Variants in RAB8A observed in about 807,000 individuals in gnomAD.
RAB8A encodes the protein ras-related protein Rab-8A.
In RAB8A, 5 loss-of-function variants were observed where a neutral mutation model predicts 29.2. That is an observed-to-expected ratio of 0.17 (90% CI 0.09 to 0.36). The LOEUF (loss-of-function observed/expected upper bound fraction) is 0.36, where lower values mean the gene tolerates loss of function less well. Ranked by LOEUF, RAB8A falls within the 10% of genes least tolerant of loss-of-function variation. The pLI, the probability that RAB8A is intolerant of heterozygous loss-of-function variation, is 1.00. For synonymous variants in RAB8A, 108 were observed against 99.9 expected (o/e 1.08, Z -0.49); for missense variants, 171 against 272.2 (o/e 0.63, Z 2.62).
At chr19:16,121,448 G>A (rs1346703876) in intron 2 of RAB8A, among the ~76,000 whole-genome samples, 1 of 152,140 alleles carries the variant, frequency 6.6e-6, no homozygotes, top group Non-Finnish European at 1.5e-5. Flanking sequence ...TGAGCCACAT[G>A]ACTGGCTCTT....
Position 16,132,091 on chromosome 19 carries a change from T to C in RAB8A, c.532-121T>C. 1 of 776,372 alleles carries C rather than the reference T, an allele frequency of 1.3e-6. No homozygotes were observed. Among genetic ancestry groups the C allele is most frequent in the Non-Finnish European group, 2.2e-6 (1 of 462,700 alleles). The allele number at this position is 776,372 out of a possible 1,614,324, so 48.1% of individuals were successfully genotyped here. On this transcript the variant is annotated intron_variant, in intron 7 of 7. Transcript: ENST00000300935. The surrounding 1 kb of genome is among the most constrained non-coding windows in gnomAD (Gnocchi z 5.6). ...TGGTTTGGTTGTTTGGTTGGTTGGT[T>C]GGTTGGTTGGTTGGATGGTTGGATG...
In RAB8A at chr19:16,127,171, C is replaced by T. The variant is rs903106344; in HGVS notation, c.325-266C>T. Among the ~76,000 whole-genome samples the T allele has an allele frequency of 2.6e-5, 4 of 152,182 alleles. No homozygotes were observed. The highest frequency in any genetic ancestry group is 5.9e-5 in the Non-Finnish European group (4 of 68,042). ...CCCAGGTGCGGGGGCTTGATTGATA[C>T]AGCCATAGAAGCTGCCAGAAAGCAT... On this transcript the variant is annotated intron_variant, in intron 4 of 7. Coordinates refer to ENST00000300935, the MANE Select transcript of RAB8A (RefSeq NM_005370.5). This position sits in a 1 kb window ranked among gnomAD's most constrained non-coding sequence, Gnocchi z 4.8.
rs970479159 is a variant in RAB8A, at chr19:16,122,468, A to C, written c.246+658A>C. ...GACCCTGGCTTGCCCACTGAGCTCCATCTCCTGACTTGGAAAAGGGAACGG... is the reference window on the plus strand; with the variant it reads ...GACCCTGGCTTGCCCACTGAGCTCCCTCTCCTGACTTGGAAAAGGGAACGG... On this transcript the variant is annotated intron_variant, in intron 3 of 7. Coordinates refer to ENST00000300935, the MANE Select transcript of RAB8A (RefSeq NM_005370.5). The surrounding 1 kb of genome is among the most constrained non-coding windows in gnomAD (Gnocchi z 4.7). Among the ~76,000 whole-genome samples the C allele has an allele frequency of 6.6e-6, 1 of 152,192 alleles. No homozygotes were observed. The highest frequency in any genetic ancestry group is 2.4e-5 in the African/African-American group (1 of 41,454).
chr19:16,112,287 G>T (rs562009866), intron 1 of RAB8A: 22 of 489,664 alleles, frequency 4.5e-5, no homozygotes, highest in African/African-American at 4.1e-4. Context: ...TTATGTCTTG[G>T]GCTGGGGTCT....
intron 1 of RAB8A, among the ~76,000 whole-genome samples, chr19:16,117,159 T>C (rs1259331324): frequency 6.6e-6 from 1 of 152,172 alleles, no homozygotes; most frequent in African/African-American, 2.4e-5. Flanking sequence ...CCACATTTTG[T>C]TCATCCATTC....
At position 16,127,630 on chromosome 19, in the gene RAB8A, G is replaced by T; in HGVS notation, c.414+104G>T. The T allele has an allele frequency of 1.1e-6, 1 of 918,252 alleles. No individual in the cohort carries two copies. 56.9% of individuals were successfully genotyped at this position (918,252 alleles called of 1,614,324 possible). On this transcript the variant is annotated intron_variant, in intron 5 of 7. Transcript: ENST00000300935. The surrounding 1 kb of genome is among the most constrained non-coding windows in gnomAD (Gnocchi z 4.8). The stretch of plus-strand genomic sequence containing the variant: ...TGCCCCAGGGGCCTGAGACGAGTTG[G>T]TCACCCCAGTGGGGCACGTGCCATG...
At chr19:16,119,540 G>A (rs2090863985) in intron 2 of RAB8A, among the ~76,000 whole-genome samples, 1 of 152,010 alleles carries the variant, frequency 6.6e-6, no homozygotes, top group Non-Finnish European at 1.5e-5. Context: ...TTGGGAGTCG[G>A]GTAGGTTTAA....
chr19:16,124,989 CG>C, intron 3 of RAB8A: 12 of 204,482 alleles, frequency 5.9e-5, no homozygotes, highest in East Asian at 1.1e-4. Context: ...GTGTGGATGT[CG>C]GGTCAGGACT....
chr19:16,132,393 T>C lies in RAB8A; in HGVS notation c.*89T>C. On this transcript the variant is annotated 3_prime_UTR_variant, in exon 8 of 8. Coordinates refer to ENST00000300935, the MANE Select transcript of RAB8A (RefSeq NM_005370.5). The surrounding 1 kb of genome is among the most constrained non-coding windows in gnomAD (Gnocchi z 5.6). The stretch of plus-strand genomic sequence containing the variant: ...CTCACTCAGCCGGGGCCCTCCCACC[T>C]CCAACGCCCCGCCCACGCCGCGGCC... 1 of 1,332,308 alleles carries C rather than the reference T, an allele frequency of 7.5e-7. No homozygotes were observed. Among genetic ancestry groups the C allele is most frequent in the Non-Finnish European group, 1.0e-6 (1 of 955,846 alleles). The allele number at this position is 1,332,308 out of a possible 1,614,324, so 82.5% of individuals were successfully genotyped here. A position where few individuals can be genotyped will look rare whatever the true frequency, so the allele number is the denominator to read the frequency against.
Position 16,132,378 on chromosome 19 carries a change from CG to C in RAB8A, c.*78del. ...GTTCTGAGTGAGCCCCTCACTCAGC[CG>C]GGGCCCTCCCACCTCCAACGCCCCG... On this transcript the variant is annotated 3_prime_UTR_variant, in exon 8 of 8. Transcript: ENST00000300935. The surrounding 1 kb of genome is among the most constrained non-coding windows in gnomAD (Gnocchi z 5.6). 2 of 1,452,942 alleles carry C rather than the reference CG, an allele frequency of 1.4e-6. No individual in the cohort carries two copies. The highest frequency in any genetic ancestry group is 9.4e-7 in the Non-Finnish European group (1 of 1,059,458). The allele number at this position is 1,452,942 out of a possible 1,614,324, so 90.0% of individuals were successfully genotyped here. A position where few individuals can be genotyped will look rare whatever the true frequency, so the allele number is the denominator to read the frequency against.
intron 3 of RAB8A, chr19:16,124,993 T>TCGC: frequency 1.2e-5 from 2 of 169,838 alleles, no homozygotes; most frequent in Non-Finnish European, 2.5e-5. Context: ...GGATGTCGGG[T>TCGC]CAGGACTTCC....
Position 16,125,940 on chromosome 19 carries a change from A to C in RAB8A, c.324+393A>C. 1 of 352,516 alleles carries C rather than the reference A, an allele frequency of 2.8e-6. No homozygotes were observed. Among genetic ancestry groups the C allele is most frequent in the Non-Finnish European group, 5.6e-6 (1 of 178,258 alleles). The allele number at this position is 352,516 out of a possible 1,614,324, so 21.8% of individuals were successfully genotyped here. On this transcript the variant is annotated intron_variant, in intron 4 of 7. Coordinates refer to ENST00000300935, the MANE Select transcript of RAB8A (RefSeq NM_005370.5). This position sits in a 1 kb window ranked among gnomAD's most constrained non-coding sequence, Gnocchi z 5.0. ...AGGCGTCAGTTGTACTTTGAGCTAT[A>C]TCGGAGCAGGGTGTGACCTGGTACA... is the stretch of plus-strand genomic sequence containing the variant.
chr19:16,116,619 G>A (rs1296659499), intron 1 of RAB8A, among the ~76,000 whole-genome samples: 1 of 152,064 alleles, frequency 6.6e-6, no homozygotes, highest in African/African-American at 2.4e-5. Flanking sequence ...GGCAGATCAC[G>A]AGGTCAAGAG....
intron 7 of RAB8A, among the ~76,000 whole-genome samples, chr19:16,131,167 C>G (rs1025351438): frequency 3.2e-4 from 48 of 151,662 alleles, no homozygotes; most frequent in African/African-American, 1.1e-3. Context: ...GTTACCCAGG[C>G]TGGACTCAAA....
At position 16,125,323 on chromosome 19, in the gene RAB8A, G is replaced by T. The variant is rs1421956088; in HGVS notation, c.247-147G>T. On this transcript the variant is annotated intron_variant, in intron 3 of 7. Transcript: ENST00000300935. The surrounding 1 kb of genome is among the most constrained non-coding windows in gnomAD (Gnocchi z 5.0). ...GGAGAGGAGGGGGCTGGCTTCCGGG[G>T]CTCCACAGAGGTGGGGAGGGCGGCA... 6.1e-5 allele frequency: 41 copies of T among 675,242 alleles called. No homozygotes were observed. In the East Asian group the frequency reaches 1.1e-3, roughly 18 times the overall value. 41.8% of individuals were successfully genotyped at this position (675,242 alleles called of 1,614,324 possible).
Position 16,132,405 on chromosome 19 carries a change from C to T in RAB8A, c.*101C>T. On this transcript the variant is annotated 3_prime_UTR_variant, in exon 8 of 8. Transcript: ENST00000300935. The surrounding 1 kb of genome is among the most constrained non-coding windows in gnomAD (Gnocchi z 5.6). ...GGGCCCTCCCACCTCCAACGCCCCG[C>T]CCACGCCGCGGCCACCGGGCCCACG... 1.7e-6 allele frequency: 2 copies of T among 1,178,244 alleles called. No homozygotes were observed. The highest frequency in any genetic ancestry group is 1.2e-6 in the Non-Finnish European group (1 of 829,592). The allele number at this position is 1,178,244 out of a possible 1,614,324, so 73.0% of individuals were successfully genotyped here.
In RAB8A at chr19:16,121,972, C is replaced by T. The variant is rs941624861; in HGVS notation, c.246+162C>T. ...AGTCTTAGGAACAGGCTTTGTGCCC[C>T]GGCCTACCCCCATGTACATACCTCC... On this transcript the variant is annotated intron_variant, in intron 3 of 7. Transcript: ENST00000300935. 3.3e-5 allele frequency: 21 copies of T among 638,360 alleles called. 1 individual carries two copies. The highest frequency in any genetic ancestry group is 1.5e-4 in the African/African-American group (8 of 54,758). The allele number at this position is 638,360 out of a possible 1,614,324, so 39.5% of individuals were successfully genotyped here.
chr19:16,128,630 A>C (rs2090912244), intron 6 of RAB8A, among the ~76,000 whole-genome samples: 1 of 152,142 alleles, frequency 6.6e-6, no homozygotes, highest in Non-Finnish European at 1.5e-5. Context: ...GCTGACGTGA[A>C]GACAAAGGCT....
At chr19:16,131,469 T>C (rs1342559244) in intron 7 of RAB8A, among the ~76,000 whole-genome samples, 1 of 151,116 alleles carries the variant, frequency 6.6e-6, no homozygotes, top group East Asian at 2.0e-4. Flanking sequence ...GATGGATGAA[T>C]GGTTGGTTGG....
Sources: allele counts gnomAD v4.1 joint callset (sites outside exome capture counted in the v4.1 genomes callset), GRCh38; gene constraint gnomAD v4.1.1; non-coding constraint Gnocchi (gnomAD v3.1); transcripts MANE v1.5; gene names NCBI Gene and HGNC (gene_info 2026-07-23, HGNC 2026-07-21).